The following ADGRL3 variants were observed in gnomAD, a reference collection of about 807,000 sequenced individuals.
ADGRL3 encodes adhesion G protein-coupled receptor L3, also known as calcium-independent alpha-latrotoxin receptor 3.
ADGRL3 carries 62 observed loss-of-function variants against 153.5 expected under a neutral mutation model. The observed-to-expected ratio is 0.40, with a 90% CI of 0.33 to 0.50. The LOEUF (loss-of-function observed/expected upper bound fraction) is 0.50. ADGRL3 is among the 20% of genes least tolerant of loss of function. ADGRL3 has a pLI of 0.47. For synonymous variants in ADGRL3, 710 were observed against 672.5 expected (o/e 1.06, Z -0.86); for missense variants, 1,641 against 1,859.4 (o/e 0.88, Z 2.16).
intron 1 of ADGRL3, among the ~76,000 whole-genome samples, chr4:61,362,159 C>A (rs192458727): frequency 6.6e-6 from 1 of 150,904 alleles, no homozygotes; most frequent in African/African-American, 2.4e-5. Context: ...TGCACCACCA[C>A]GCCTGACTAA....
chr4:61,818,677 T>A (rs2097715698), intron 9 of ADGRL3, among the ~76,000 whole-genome samples: 1 of 152,192 alleles, frequency 6.6e-6, no homozygotes, highest in African/African-American at 2.4e-5. Context: ...CAGTCATTTC[T>A]GCTTGATATC....
chr4:61,437,134 G>T (rs764599160), intron 2 of ADGRL3, among the ~76,000 whole-genome samples: 1 of 152,060 alleles, frequency 6.6e-6, no homozygotes. Flanking sequence ...TTTAAATTTA[G>T]AAAAATTATG....
intron 4 of ADGRL3, among the ~76,000 whole-genome samples, chr4:61,570,873 T>C (rs2098835868): frequency 6.6e-6 from 1 of 152,182 alleles, no homozygotes; most frequent in South Asian, 2.1e-4. Context: ...GTTGTAATTC[T>C]CATCATTTCT....
chr4:61,416,043 T>G (rs1020829767), intron 2 of ADGRL3, among the ~76,000 whole-genome samples: 4 of 152,102 alleles, frequency 2.6e-5, no homozygotes, highest in African/African-American at 9.7e-5. Context: ...CTAGTTTCTC[T>G]AATCTCTAGT....
At chr4:61,644,845 AC>A (rs1282689024) in intron 5 of ADGRL3, among the ~76,000 whole-genome samples, 1 of 151,658 alleles carries the variant, frequency 6.6e-6, no homozygotes, top group Non-Finnish European at 1.5e-5. Flanking sequence ...ATCCTTGTTG[AC>A]TTTCTGTCTC....
chr4:61,464,371 C>T (rs965068779), intron 2 of ADGRL3, among the ~76,000 whole-genome samples: 2 of 152,170 alleles, frequency 1.3e-5, no homozygotes, highest in East Asian at 3.8e-4. Flanking sequence ...TAATGTCTGT[C>T]TTAAGAATGT....
chr4:61,583,680 T>C (rs753924585), intron 4 of ADGRL3: 2 of 518,554 alleles, frequency 3.9e-6, no homozygotes, highest in Non-Finnish European at 7.7e-6. Flanking sequence ...GTCCCTTCAG[T>C]CAGTCCTGTG....
chr4:61,789,583 G>A (rs1207936675), intron 8 of ADGRL3, among the ~76,000 whole-genome samples: 2 of 152,106 alleles, frequency 1.3e-5, no homozygotes, highest in Non-Finnish European at 2.9e-5. Flanking sequence ...GCGATTATAT[G>A]CTAGTAATAG....
chr4:61,238,029 G>A lies in ADGRL3; in HGVS notation c.-240+36264G>A, dbSNP rs532266353. ...TACAACTTTCTCCTTTCAGCTGATT[G>A]ATTTTGAATTTTTCAAACTGATTAA... On this transcript the variant is annotated intron_variant, in intron 1 of 26. Coordinates refer to ENST00000683033, the MANE Select transcript of ADGRL3 (RefSeq NM_001387552.1). 5.3e-5 allele frequency among the ~76,000 whole-genome samples: 8 copies of A among 152,246 alleles called. No homozygotes were observed. In the South Asian group the frequency reaches 1.7e-3, roughly 32 times the overall value.
chr4:61,911,500 T>C (rs1436049032), intron 12 of ADGRL3, among the ~76,000 whole-genome samples: 1 of 152,184 alleles, frequency 6.6e-6, no homozygotes, highest in Non-Finnish European at 1.5e-5. Flanking sequence ...ACATGCTTGC[T>C]GGCTTGCTCT....
rs2150365191 is a variant in ADGRL3 at position 61,952,681 on chromosome 4, C to A, written c.2805+4405C>A. Among the ~76,000 whole-genome samples the A allele has an allele frequency of 2.6e-5, 4 of 152,208 alleles. 1 individual carries two copies. Among genetic ancestry groups the A allele is most frequent in the Admixed American group, 2.6e-4 (4 of 15,288 alleles). On this transcript the variant is annotated intron_variant, in intron 17 of 26. Transcript: ENST00000683033. The stretch of plus-strand genomic sequence containing the variant: ...TTTTGTCAGAGCATCACAAATTGAT[C>A]CATCTTAGCAAGATTGGCTATATAT...
intron 1 of ADGRL3, among the ~76,000 whole-genome samples, chr4:61,321,097 C>T (rs2095346224): frequency 6.6e-6 from 1 of 152,184 alleles, no homozygotes; most frequent in Non-Finnish European, 1.5e-5. Flanking sequence ...CCTAGATAAT[C>T]TTTCCATCCA....
chr4:61,412,348 A>C (rs1379824721), intron 2 of ADGRL3, among the ~76,000 whole-genome samples: 1 of 152,152 alleles, frequency 6.6e-6, no homozygotes, highest in Admixed American at 6.6e-5. Context: ...TTGGCCTCCC[A>C]AAGTGCTAGG....
At chr4:61,379,221 A>G (rs1169548987) in intron 1 of ADGRL3, among the ~76,000 whole-genome samples, 1 of 152,006 alleles carries the variant, frequency 6.6e-6, no homozygotes, top group Non-Finnish European at 1.5e-5. Flanking sequence ...TTTGACCATC[A>G]TAAGTAAAAA....
intron 2 of ADGRL3, among the ~76,000 whole-genome samples, chr4:61,413,385 A>G (rs2097110072): frequency 6.6e-6 from 1 of 152,014 alleles, no homozygotes; most frequent in Non-Finnish European, 1.5e-5. Context: ...TTTACTGACA[A>G]CGTGGGGTGG....
intron 11 of ADGRL3, among the ~76,000 whole-genome samples, chr4:61,905,075 A>G (rs2098688985): frequency 6.6e-6 from 1 of 152,204 alleles, no homozygotes. Flanking sequence ...TAAGAGTATA[A>G]CAGGTGAAAA....
intron 2 of ADGRL3, among the ~76,000 whole-genome samples, chr4:61,462,668 T>TA (rs897054244): frequency 1.3e-5 from 2 of 152,090 alleles, no homozygotes; most frequent in South Asian, 2.1e-4. Context: ...TTTAGGCAAA[T>TA]AAAAAAACTA....
Position 61,761,950 on chromosome 4 carries a change from TAAAC to T in ADGRL3, c.1399+28404_1399+28407del, listed in dbSNP as rs559876176. On this transcript the variant is annotated intron_variant, in intron 8 of 26. Transcript: ENST00000683033. ...TGTCTCTAATAAATAAATAGATAAA[TAAAC>T]AAACAAATAAATAAAATTATCAGAA... Among the ~76,000 whole-genome samples, 183 of 152,222 alleles carry T rather than the reference TAAAC, an allele frequency of 1.2e-3. 3 individuals carry two copies. Among genetic ancestry groups the T allele is most frequent in the African/African-American group, 4.0e-3 (167 of 41,540 alleles).
chr4:61,500,364 T>A (rs2098373940), intron 3 of ADGRL3, among the ~76,000 whole-genome samples: 1 of 152,202 alleles, frequency 6.6e-6, no homozygotes, highest in African/African-American at 2.4e-5. Flanking sequence ...ATACCACTTC[T>A]GACTTGTGAA....
Sources: gnomAD v4.1 joint callset for allele counts (sites outside exome capture counted in the v4.1 genomes callset) on GRCh38, gnomAD v4.1.1 for gene constraint, MANE v1.5 for transcripts, NCBI Gene and HGNC (gene_info 2026-07-23, HGNC 2026-07-21) for gene names.